Variants in SORL1 observed in about 807,000 individuals in gnomAD.
SORL1 encodes sortilin related receptor 1.
Under a neutral mutation model 273.7 loss-of-function variants are expected in SORL1, and 127 were observed. That is an observed-to-expected ratio of 0.46 (90% confidence interval 0.40 to 0.54). The LOEUF (loss-of-function observed/expected upper bound fraction) is 0.54. Ranked by LOEUF, SORL1 falls within the 20% of genes least tolerant of loss-of-function variation. The pLI, the probability that SORL1 is intolerant of heterozygous loss-of-function variation, is 0.00. For missense variants in SORL1, 2,494 were observed against 2,846.1 expected (o/e 0.88, Z 2.81); for synonymous variants, 1,031 against 1,067.4 (o/e 0.97, Z 0.66).
chr11:121,623,041 C>T (rs1037531076), intron 45 of SORL1, among the ~76,000 whole-genome samples: 1 of 152,240 alleles, frequency 6.6e-6, no homozygotes, highest in Non-Finnish European at 1.5e-5. Context: ...TCACCACACA[C>T]TCTGTGAGAA....
At chr11:121,485,145 G>C (rs1047358688) in intron 3 of SORL1, among the ~76,000 whole-genome samples, 2 of 152,190 alleles carry the variant, frequency 1.3e-5, no homozygotes, top group African/African-American at 4.8e-5. Context: ...GAGGTTATAT[G>C]AGCGTAGGGA....
At chr11:121,603,646 T>C (rs749324301) in intron 32 of SORL1, among the ~76,000 whole-genome samples, 2 of 152,228 alleles carry the variant, frequency 1.3e-5, no homozygotes, top group Non-Finnish European at 1.5e-5. Context: ...CTTTAAATAC[T>C]ACATAAAGTA....
At chr11:121,492,438 C>T (rs552298146) in intron 5 of SORL1, among the ~76,000 whole-genome samples, 7 of 152,242 alleles carry the variant, frequency 4.6e-5, no homozygotes, top group African/African-American at 1.4e-4. Flanking sequence ...CACCTACTCC[C>T]CCATTACTCC....
chr11:121,464,608 G>A (rs1861054444), intron 1 of SORL1, among the ~76,000 whole-genome samples: 1 of 152,154 alleles, frequency 6.6e-6, no homozygotes, highest in Non-Finnish European at 1.5e-5. Flanking sequence ...TCACCTCTCC[G>A]GGTTGCCAGG....
chr11:121,530,089 T>G (rs1042733609), intron 11 of SORL1, among the ~76,000 whole-genome samples: 2 of 152,180 alleles, frequency 1.3e-5, no homozygotes, highest in African/African-American at 4.8e-5. Flanking sequence ...TACAAGTCCC[T>G]TTTCTCCTCC....
Position 121,554,066 on chromosome 11 carries a change from A to C in SORL1, c.2396A>C (p.His799Pro). 1 of 1,614,166 alleles carries C rather than the reference A, an allele frequency of 6.2e-7. No individual in the cohort carries two copies. Among genetic ancestry groups the C allele is most frequent in the Non-Finnish European group, 8.5e-7 (1 of 1,180,008 alleles). ...AAVALDFDYEHNCLYWSDLAL... is the reference protein window; with the variant it reads ...AAVALDFDYEPNCLYWSDLAL... ...GTGGCCCTGGACTTTGACTATGAGC[A>C]CAACTGTTTGTATTGGTCCGACCTG... Residue 799 changes from histidine to proline, a missense_variant, in exon 17 of 48, where the codon CAC (histidine) becomes CCC (proline). His to Pro is a moderately conservative substitution (Grantham distance 77). This residue lies in a region of SORL1 where 710 missense variants were observed against 882.5 expected (regional missense o/e 0.80). Transcript: ENST00000260197. The surrounding 1 kb of genome is among the most constrained non-coding windows in gnomAD (Gnocchi z 4.6).
intron 8 of SORL1, among the ~76,000 whole-genome samples, chr11:121,519,658 G>A (rs951236485): frequency 3.3e-5 from 5 of 152,318 alleles, no homozygotes; most frequent in African/African-American, 9.6e-5. Context: ...CAGGGTGTTG[G>A]ATAATTAGGT....
intron 6 of SORL1, among the ~76,000 whole-genome samples, chr11:121,511,326 A>C (rs1861874768): frequency 6.6e-6 from 1 of 152,222 alleles, no homozygotes; most frequent in Non-Finnish European, 1.5e-5. Flanking sequence ...GTCATTGAGA[A>C]ATCACTCTTT....
chr11:121,505,571 T>C (rs1353555592), intron 6 of SORL1, among the ~76,000 whole-genome samples: 1 of 152,114 alleles, frequency 6.6e-6, no homozygotes, highest in Non-Finnish European at 1.5e-5. Context: ...TTCTTCTTTT[T>C]TTATATAAGT....
Position 121,627,173 on chromosome 11 carries a change from C to T in SORL1, c.6365-382C>T, listed in dbSNP as rs1423752785. 1.4e-5 allele frequency: 3 copies of T among 207,892 alleles called. No homozygotes were observed. In the South Asian group the frequency reaches 2.5e-4, roughly 17 times the overall value. The allele number at this position is 207,892 out of a possible 1,614,324, so 12.9% of individuals were successfully genotyped here. ...AAGTAGGGGGAAATAATTGCAATCT[C>T]GTTAATTAGTGGTCTGATTTCACAT... On this transcript the variant is annotated intron_variant, in intron 46 of 47. Transcript: ENST00000260197. This position sits in a 1 kb window ranked among gnomAD's most constrained non-coding sequence, Gnocchi z 4.9.
At chr11:121,543,446 C>G (rs570542850) in intron 12 of SORL1, 102 bp from the exon 13 acceptor site, 1 of 914,938 alleles carries the variant, frequency 1.1e-6, no homozygotes, top group East Asian at 2.5e-5. Context: ...AGCCATTTCT[C>G]CAAGGAGCCC....
intron 25 of SORL1, among the ~76,000 whole-genome samples, chr11:121,581,576 A>G (rs1425272207): frequency 1.3e-5 from 2 of 152,202 alleles, no homozygotes; most frequent in Non-Finnish European, 2.9e-5. Context: ...AGCATGCAGT[A>G]TTTACCGGGC....
chr11:121,486,502 C>T lies in SORL1; in HGVS notation c.529-1530C>T, dbSNP rs184311181. Among the ~76,000 whole-genome samples, 481 of 142,020 alleles carry T rather than the reference C, an allele frequency of 3.4e-3. 4 individuals are homozygous for T. Among genetic ancestry groups the T allele is most frequent in the African/African-American group, 0.012 (448 of 38,186 alleles). 93.2% of individuals were successfully genotyped at this position (142,020 alleles called of 152,430 possible). ...TTTCTTTTTTTTTTTTTTTTTGAGA[C>T]GGAGTCTCACTCTGTCGCCCAGGCT... is the stretch of plus-strand genomic sequence containing the variant. On this transcript the variant is annotated intron_variant, in intron 3 of 47. Coordinates refer to ENST00000260197, the MANE Select transcript of SORL1 (RefSeq NM_003105.6).
intron 39 of SORL1, 189 bp from the exon 40 acceptor site, chr11:121,612,547 A>G: frequency 4.2e-6 from 2 of 475,918 alleles, no homozygotes; most frequent in South Asian, 6.0e-5. Context: ...TAGGTGGAGT[A>G]CAACTAAATA....
intron 21 of SORL1, among the ~76,000 whole-genome samples, chr11:121,566,269 A>C (rs1294243160): frequency 1.3e-5 from 2 of 152,222 alleles, no homozygotes; most frequent in African/African-American, 4.8e-5. Flanking sequence ...CTTTTTAAAA[A>C]AAAAATTATT....
intron 5 of SORL1, 108 bp from the exon 6 acceptor site, chr11:121,496,761 C>T: frequency 2.4e-6 from 2 of 837,902 alleles, no homozygotes; most frequent in South Asian, 3.5e-5. Flanking sequence ...ATCTGTGGGT[C>T]ACACCATGGT....
chr11:121,609,462 G>T (rs186594094), intron 38 of SORL1: 6 of 152,352 alleles, frequency 3.9e-5, no homozygotes, highest in African/African-American at 7.2e-5. Flanking sequence ...TGTTGGAAGA[G>T]CAACCAAATA....
intron 27 of SORL1, among the ~76,000 whole-genome samples, chr11:121,586,582 G>T (rs773125393): frequency 6.6e-6 from 1 of 151,444 alleles, no homozygotes; most frequent in Non-Finnish European, 1.5e-5. Context: ...TTCAGTGAAA[G>T]TTATTGTTTA....
Position 121,595,480 on chromosome 11 carries a change from C to T in SORL1, c.4370-143C>T. The T allele has an allele frequency of 1.4e-6, 1 of 733,160 alleles. No homozygotes were observed. 45.4% of individuals were successfully genotyped at this position (733,160 alleles called of 1,614,324 possible). On this transcript the variant is annotated intron_variant, in intron 31 of 47. Transcript: ENST00000260197. The surrounding 1 kb of genome is among the most constrained non-coding windows in gnomAD (Gnocchi z 5.1). Reference sequence around the variant, plus strand: ...ACATTAGATGTCTGTATCTACTCTGCTCTCTATCCGGAACTCGCATTTGTC... The same window carrying T: ...ACATTAGATGTCTGTATCTACTCTGTTCTCTATCCGGAACTCGCATTTGTC...
Sources: allele counts gnomAD v4.1 joint callset (sites outside exome capture counted in the v4.1 genomes callset), GRCh38; gene constraint gnomAD v4.1.1; regional missense constraint gnomAD v4.1.1; non-coding constraint Gnocchi (gnomAD v3.1); transcripts MANE v1.5; gene names NCBI Gene and HGNC (gene_info 2026-07-23, HGNC 2026-07-21).